SMOC1: variants seen among roughly 807,000 people sequenced by gnomAD.
SMOC1 encodes the protein SPARC related modular calcium binding 1.
Under a neutral mutation model 56.3 loss-of-function variants are expected in SMOC1, and 22 were observed. That is an observed-to-expected ratio of 0.39 (90% CI 0.28 to 0.56). SMOC1 has a LOEUF of 0.56. SMOC1 is among the 20% of genes least tolerant of loss of function. The pLI is 0.61. For missense variants in SMOC1, 509 were observed against 565.4 expected (o/e 0.90, Z 1.01); for synonymous variants, 193 against 215.0 (o/e 0.90, Z 0.89).
chr14:69,978,784 T>C (rs956275507), intron 5 of SMOC1, among the ~76,000 whole-genome samples: 1 of 152,156 alleles, frequency 6.6e-6, no homozygotes, highest in African/African-American at 2.4e-5. Flanking sequence ...AGGCCCTGCA[T>C]TTTTACTTTA....
At chr14:69,965,953 AT>A (rs1292593112) in intron 3 of SMOC1, among the ~76,000 whole-genome samples, 4 of 152,010 alleles carry the variant, frequency 2.6e-5, no homozygotes, top group Admixed American at 2.0e-4. Flanking sequence ...AGGGATCAGA[AT>A]TTTTTTTCAT....
At chr14:69,919,882 T>TG (rs1476844350) in intron 1 of SMOC1, among the ~76,000 whole-genome samples, 13 of 151,666 alleles carry the variant, frequency 8.6e-5, no homozygotes, top group African/African-American at 3.1e-4. Context: ...TACAACCATC[T>TG]GGACTAAATC....
chr14:70,010,401 GC>G (rs1251185003), intron 7 of SMOC1, among the ~76,000 whole-genome samples: 1 of 152,236 alleles, frequency 6.6e-6, no homozygotes, highest in Non-Finnish European at 1.5e-5. Context: ...CAGAACATCA[GC>G]AGGAGCCACT....
intron 1 of SMOC1, among the ~76,000 whole-genome samples, chr14:69,918,448 G>A (rs2139360909): frequency 6.6e-6 from 1 of 152,192 alleles, no homozygotes; most frequent in Middle Eastern, 3.4e-3. Context: ...GGCTGGTCTT[G>A]AACTCCTGAA....
At chr14:70,024,879 A>T (rs1274400282) in intron 11 of SMOC1, among the ~76,000 whole-genome samples, 2 of 152,164 alleles carry the variant, frequency 1.3e-5, no homozygotes, top group African/African-American at 4.8e-5. Flanking sequence ...TGGGACATGG[A>T]TTGGAAATGA....
intron 1 of SMOC1, among the ~76,000 whole-genome samples, chr14:69,887,085 A>C (rs1883830509): frequency 6.6e-6 from 1 of 152,168 alleles, no homozygotes; most frequent in South Asian, 2.1e-4. Flanking sequence ...GATGCTCATC[A>C]GTGGGAGGGC....
chr14:69,984,171 C>CA (rs1884279146), intron 5 of SMOC1, among the ~76,000 whole-genome samples: 1 of 152,100 alleles, frequency 6.6e-6, no homozygotes, highest in African/African-American at 2.4e-5. Flanking sequence ...AACAGATCCA[C>CA]AAACAAATGG....
At position 69,903,312 on chromosome 14, in the gene SMOC1, G is replaced by A. The variant is rs567599377; in HGVS notation, c.99+23535G>A. Among the ~76,000 whole-genome samples the A allele has an allele frequency of 4.0e-5, 6 of 151,352 alleles. No individual in the cohort carries two copies. The East Asian group carries it at 5.9e-4, about 15-fold the overall frequency. On this transcript the variant is annotated intron_variant, in intron 1 of 11. Transcript: ENST00000361956. ...AGAAGCGTCTCTGCCCGGCTGCCCC[G>A]TCTGAGAACTGAGGAGCCCCTCCGC...
At position 69,879,633 on chromosome 14, in the gene SMOC1, G is replaced by T; in HGVS notation, c.-46G>T. 7.2e-7 allele frequency: 1 copy of T among 1,389,798 alleles called. No homozygotes were observed. The highest frequency in any genetic ancestry group is 9.3e-7 in the Non-Finnish European group (1 of 1,070,470). The allele number at this position is 1,389,798 out of a possible 1,614,324, so 86.1% of individuals were successfully genotyped here. A position where few individuals can be genotyped will look rare whatever the true frequency, so the allele number is the denominator to read the frequency against. ...GGAGGCGCGCTGTGCGCCCCGCGGA[G>T]CCCGCGAACCCCGCTCGCTGCCGGC... On this transcript the variant is annotated 5_prime_UTR_variant, in exon 1 of 12. Coordinates refer to ENST00000361956, the MANE Select transcript of SMOC1 (RefSeq NM_001034852.3).
intron 1 of SMOC1, among the ~76,000 whole-genome samples, chr14:69,880,419 G>A (rs1426789051): frequency 1.3e-5 from 2 of 152,138 alleles, no homozygotes; most frequent in African/African-American, 4.8e-5. Flanking sequence ...TTCAGTGCTG[G>A]GAGGTTGAAT....
intron 3 of SMOC1, among the ~76,000 whole-genome samples, chr14:69,957,246 A>G (rs571731622): frequency 1.3e-5 from 2 of 152,330 alleles, no homozygotes; most frequent in African/African-American, 4.8e-5. Flanking sequence ...GGAGCTTGGC[A>G]AGTGTGTGCA....
At chr14:70,002,511 G>A (rs1168640206) in intron 7 of SMOC1, among the ~76,000 whole-genome samples, 1 of 152,188 alleles carries the variant, frequency 6.6e-6, no homozygotes, top group South Asian at 2.1e-4. Flanking sequence ...GGAGCCCTGA[G>A]CAATGGTTCT....
At chr14:70,029,501 C>T (rs1886058807) in intron 11 of SMOC1, among the ~76,000 whole-genome samples, 1 of 152,224 alleles carries the variant, frequency 6.6e-6, no homozygotes, top group African/African-American at 2.4e-5. Flanking sequence ...ATAAGTTCAC[C>T]TGAGCCATAG....
rs1185051974 is a variant in SMOC1, at chr14:69,952,300, A to G, written c.262A>G (p.Lys88Glu). 1 of 1,613,934 alleles carries G rather than the reference A, an allele frequency of 6.2e-7. No homozygotes were observed. The highest frequency in any genetic ancestry group is 8.5e-7 in the Non-Finnish European group (1 of 1,179,992). ...TLGVVHRGRC[K>E]DAGQSKCRLE... ...GGGCGTGGTGCATCGAGGTAGATGC[A>G]AAGGTGAGTGTGTGCACCCCTGCCC... The change falls in exon 2 of 12, where the codon AAA (lysine) becomes GAA (glutamate). Residue 88 changes from lysine (K) to glutamate (E), a missense_variant. Transcript: ENST00000361956.
chr14:69,931,328 C>T (rs574454434), intron 1 of SMOC1, among the ~76,000 whole-genome samples: 2 of 152,266 alleles, frequency 1.3e-5, no homozygotes, highest in African/African-American at 2.4e-5. Flanking sequence ...CCGCTCCCTC[C>T]GGGCAGTCTT....
At chr14:69,944,156 C>T (rs534717612) in intron 1 of SMOC1, among the ~76,000 whole-genome samples, 9 of 152,258 alleles carry the variant, frequency 5.9e-5, no homozygotes, top group Admixed American at 2.0e-4. Context: ...GCTTACAGTC[C>T]GGTGGAGGGG....
Position 70,013,451 on chromosome 14 carries a change from G to C in SMOC1, c.1006G>C (p.Val336Leu), listed in dbSNP as rs763040497. The change falls in exon 10 of 12, where the codon GTT becomes CTT. Residue 336 changes from valine to leucine, a missense_variant. Transcript: ENST00000361956. ...SLLDALTTDM[V>L]QAINSAAPTG... The stretch of plus-strand genomic sequence containing the variant: ...ACTGGATGCTCTCACCACTGACATG[G>C]TTCAGGCCATTAACTCAGCAGCGCC... 6.2e-7 allele frequency: 1 copy of C among 1,614,198 alleles called. No individual in the cohort carries two copies. The highest frequency in any genetic ancestry group is 8.5e-7 in the Non-Finnish European group (1 of 1,180,046).
At chr14:69,883,016 CAGAT>C (rs989182652) in intron 1 of SMOC1, among the ~76,000 whole-genome samples, 3 of 152,160 alleles carry the variant, frequency 2.0e-5, no homozygotes, top group African/African-American at 7.2e-5. Context: ...TTAAATTTGA[CAGAT>C]AGCATTGTAT....
intron 3 of SMOC1, among the ~76,000 whole-genome samples, chr14:69,973,324 A>G (rs1883843820): frequency 1.3e-5 from 2 of 152,194 alleles, no homozygotes; most frequent in African/African-American, 4.8e-5. Flanking sequence ...GTGCCAGACA[A>G]TGGACTTCCT....
Sources: gnomAD v4.1 joint callset for allele counts (sites outside exome capture counted in the v4.1 genomes callset) on GRCh38, gnomAD v4.1.1 for gene constraint, MANE v1.5 for transcripts, NCBI Gene and HGNC (gene_info 2026-07-23, HGNC 2026-07-21) for gene names.